Variants in TMEM132D observed in about 807,000 individuals in gnomAD.
TMEM132D encodes transmembrane protein 132D, also known as mature OL transmembrane protein.
TMEM132D carries 21 observed loss-of-function variants against 62.3 expected under a neutral mutation model. That is an observed-to-expected ratio of 0.34 (90% confidence interval 0.24 to 0.49). TMEM132D has a LOEUF of 0.49. TMEM132D is among the 20% of genes least tolerant of loss of function. The pLI, the probability that TMEM132D is intolerant of heterozygous loss-of-function variation, is 0.99. For missense variants in TMEM132D, 1,346 were observed against 1,402.8 expected, an observed-to-expected ratio of 0.96 and a Z score of 0.65; for synonymous variants, 621 against 575.6, an observed-to-expected ratio of 1.08 and a Z score of -1.13.
chr12:129,680,525 C>G (rs762131017), intron 2 of TMEM132D, among the ~76,000 whole-genome samples: 1 of 152,090 alleles, frequency 6.6e-6, no homozygotes, highest in African/African-American at 2.4e-5. Flanking sequence ...ATCCATCTGC[C>G]TTTGATCGCA....
intron 5 of TMEM132D, among the ~76,000 whole-genome samples, chr12:129,124,766 G>A (rs76827331): frequency 0.012 from 1,878 of 152,214 alleles, 14 homozygotes; most frequent in Non-Finnish European, 0.021. Context: ...ATGAATTTGC[G>A]GTGAACATCC....
chr12:129,145,416 C>T (rs1374601404), intron 5 of TMEM132D, among the ~76,000 whole-genome samples: 3 of 152,160 alleles, frequency 2.0e-5, no homozygotes, highest in Admixed American at 1.3e-4. Flanking sequence ...TACACAGTTT[C>T]TGTGAGCATG....
chr12:129,582,829 T>C (rs1877912925), intron 2 of TMEM132D, among the ~76,000 whole-genome samples: 1 of 152,214 alleles, frequency 6.6e-6, no homozygotes, highest in Admixed American at 6.5e-5. Flanking sequence ...TTCACCATGT[T>C]GGCCAGGCTG....
intron 1 of TMEM132D, among the ~76,000 whole-genome samples, chr12:129,805,181 G>A (rs1295810783): frequency 6.6e-6 from 1 of 151,566 alleles, no homozygotes; most frequent in Admixed American, 6.6e-5. Flanking sequence ...CACAGAATTG[G>A]AAAAAACTAC....
intron 2 of TMEM132D, among the ~76,000 whole-genome samples, chr12:129,665,484 A>G (rs1880355153): frequency 6.6e-6 from 1 of 152,010 alleles, no homozygotes; most frequent in African/African-American, 2.4e-5. Flanking sequence ...AATTAAAACT[A>G]GGAAGCAGAG....
intron 3 of TMEM132D, among the ~76,000 whole-genome samples, chr12:129,342,832 T>C (rs866109101): frequency 6.6e-6 from 1 of 152,158 alleles, no homozygotes; most frequent in Admixed American, 6.5e-5. Context: ...AAAATGCTCA[T>C]CATCACTGGC....
intron 1 of TMEM132D, among the ~76,000 whole-genome samples, chr12:129,737,305 C>T (rs921070308): frequency 1.3e-5 from 2 of 152,216 alleles, no homozygotes; most frequent in African/African-American, 4.8e-5. Context: ...TCTCAGTTGA[C>T]AACCATTGAC....
intron 1 of TMEM132D, among the ~76,000 whole-genome samples, chr12:129,872,898 C>T (rs1874298198): frequency 6.6e-6 from 1 of 152,168 alleles, no homozygotes; most frequent in Non-Finnish European, 1.5e-5. Flanking sequence ...GTTCATACTT[C>T]ACGCGAGGCA....
At chr12:129,730,120 G>T (rs1025605514) in intron 1 of TMEM132D, among the ~76,000 whole-genome samples, 1 of 152,012 alleles carries the variant, frequency 6.6e-6, no homozygotes, top group African/African-American at 2.4e-5. Context: ...CTGTTCAGCT[G>T]GTCTCTTATA....
At position 129,903,168 on chromosome 12, in the gene TMEM132D, C is replaced by G. The variant is rs1875425428; in HGVS notation, c.79+93G>C. The G allele has an allele frequency of 1.0e-5, 14 of 1,337,968 alleles. No homozygotes were observed. The highest frequency in any genetic ancestry group is 1.8e-4 in the Middle Eastern group (1 of 5,562). The allele number at this position is 1,337,968 out of a possible 1,614,324, so 82.9% of individuals were successfully genotyped here. A position where few individuals can be genotyped will look rare whatever the true frequency, so the allele number is the denominator to read the frequency against. On this transcript the variant is annotated intron_variant, in intron 1 of 8. Coordinates refer to ENST00000422113, the MANE Select transcript of TMEM132D (RefSeq NM_133448.3). This position sits in a 1 kb window ranked among gnomAD's most constrained non-coding sequence, Gnocchi z 6.2. ...GCGCACACACACTTGCACACGAGCC[C>G]TCTCTCCCGGCCGCCCCCATCCTCC...
chr12:129,447,321 T>G (rs1053264156), intron 3 of TMEM132D, among the ~76,000 whole-genome samples: 1 of 152,228 alleles, frequency 6.6e-6, no homozygotes, highest in Non-Finnish European at 1.5e-5. Context: ...ACCCTTTCAT[T>G]CAATTCACTT....
intron 5 of TMEM132D, among the ~76,000 whole-genome samples, chr12:129,168,953 G>T (rs768792210): frequency 6.6e-6 from 1 of 152,204 alleles, no homozygotes; most frequent in African/African-American, 2.4e-5. Context: ...GCTAGCGGCC[G>T]ATAGAGGGAC....
intron 4 of TMEM132D, among the ~76,000 whole-genome samples, chr12:129,320,655 C>T (rs1868669400): frequency 6.6e-6 from 1 of 152,006 alleles, no homozygotes; most frequent in Non-Finnish European, 1.5e-5. Context: ...ATAAGGACAT[C>T]ATCAAAAATG....
At chr12:129,121,178 C>T (rs1372824071) in intron 5 of TMEM132D, among the ~76,000 whole-genome samples, 4 of 152,174 alleles carry the variant, frequency 2.6e-5, no homozygotes, top group Non-Finnish European at 5.9e-5. Context: ...TCACTGCAAC[C>T]TCCACCTCCT....
chr12:129,341,636 A>G (rs1869489182), intron 3 of TMEM132D, among the ~76,000 whole-genome samples: 1 of 152,222 alleles, frequency 6.6e-6, no homozygotes, highest in African/African-American at 2.4e-5. Flanking sequence ...ACAGACCCAG[A>G]CTTGGGAGTG....
chr12:129,695,317 G>A (rs929654268), intron 2 of TMEM132D, among the ~76,000 whole-genome samples: 12 of 152,140 alleles, frequency 7.9e-5, no homozygotes, highest in Non-Finnish European at 1.5e-4. Context: ...TGGTGAATTG[G>A]GACAAATGCA....
At chr12:129,384,800 C>A (rs531927512) in intron 3 of TMEM132D, among the ~76,000 whole-genome samples, 1 of 152,140 alleles carries the variant, frequency 6.6e-6, no homozygotes, top group Non-Finnish European at 1.5e-5. Flanking sequence ...AACACTCTCC[C>A]GTATTCCCAT....
At chr12:129,358,945 G>A (rs1287312847) in intron 3 of TMEM132D, among the ~76,000 whole-genome samples, 2 of 125,104 alleles carry the variant, frequency 1.6e-5, no homozygotes, top group Admixed American at 1.7e-4. Flanking sequence ...GTGGGTAGAA[G>A]AAATTTCAAG....
intron 5 of TMEM132D, among the ~76,000 whole-genome samples, chr12:129,200,713 G>C (rs932335664): frequency 6.6e-6 from 1 of 152,220 alleles, no homozygotes. Context: ...ACTGCTGGGA[G>C]CCGGCTCTCC....
Sources: allele counts gnomAD v4.1 joint callset (sites outside exome capture counted in the v4.1 genomes callset), GRCh38; gene constraint gnomAD v4.1.1; non-coding constraint Gnocchi (gnomAD v3.1); transcripts MANE v1.5; gene names NCBI Gene and HGNC (gene_info 2026-07-23, HGNC 2026-07-21).